LRIG1: variants seen among roughly 807,000 people sequenced by gnomAD.
LRIG1 encodes leucine rich repeats and immunoglobulin like domains 1.
LRIG1 carries 48 observed loss-of-function variants against 99.2 expected under a neutral mutation model. The observed-to-expected ratio is 0.48, with a 90% CI of 0.38 to 0.62. LRIG1 has a LOEUF of 0.62. Among genes scored for constraint, LRIG1 ranks in the 20% least tolerant of loss-of-function variants. The pLI is 0.00. For missense variants in LRIG1, 1,646 were observed against 1,434.4 expected, an observed-to-expected ratio of 1.15 and a Z score of -2.38; for synonymous variants, 772 against 596.1, an observed-to-expected ratio of 1.29 and a Z score of -4.30.
chr3:66,388,822 G>C (rs1701502067), intron 12 of LRIG1, among the ~76,000 whole-genome samples: 1 of 152,136 alleles, frequency 6.6e-6, no homozygotes. Context: ...CACAGAGCAA[G>C]TTGACTGTTA....
intron 1 of LRIG1, among the ~76,000 whole-genome samples, chr3:66,494,744 G>A (rs1001486366): frequency 5.3e-5 from 8 of 152,154 alleles, no homozygotes; most frequent in Admixed American, 1.3e-4. Context: ...ACAAAAAAGA[G>A]ACACAAATTG....
chr3:66,467,602 G>T (rs909319585), intron 1 of LRIG1, among the ~76,000 whole-genome samples: 1 of 151,964 alleles, frequency 6.6e-6, no homozygotes, highest in African/African-American at 2.4e-5. Context: ...ACCTCGTGAT[G>T]TGCCCGCCTC....
In LRIG1 at chr3:66,398,160, C is replaced by T. The variant is rs929533273; in HGVS notation, c.1256G>A (p.Arg419Lys). Residue 419 changes from arginine to lysine, a missense_variant, in exon 11 of 19, where the codon AGA becomes AAA. Coordinates refer to ENST00000273261, the MANE Select transcript of LRIG1 (RefSeq NM_015541.3). ...CACAAAGGCATCAAACTGGACAGATCTGATCGCATTCCCTCCAAGGTTCCT... is the reference window on the plus strand; with the variant it reads ...CACAAAGGCATCAAACTGGACAGATTTGATCGCATTCCCTCCAAGGTTCCT... ...EHLNLGGNAI[R>K]SVQFDAFVKM... The T allele has an allele frequency of 6.2e-7, 1 of 1,614,100 alleles. No homozygotes were observed.
intron 1 of LRIG1, among the ~76,000 whole-genome samples, chr3:66,481,781 T>G (rs762943571): frequency 4.2e-4 from 64 of 152,186 alleles, no homozygotes; most frequent in Non-Finnish European, 8.4e-4. Context: ...ATCACAATTA[T>G]CTATGAGAAT....
At chr3:66,496,291 C>T (rs1701226441) in intron 1 of LRIG1, among the ~76,000 whole-genome samples, 1 of 152,198 alleles carries the variant, frequency 6.6e-6, no homozygotes, top group Non-Finnish European at 1.5e-5. Flanking sequence ...AGTTAATTTA[C>T]ATGGGGCGCT....
chr3:66,414,392 G>T (rs984981422), intron 5 of LRIG1, among the ~76,000 whole-genome samples: 20 of 149,712 alleles, frequency 1.3e-4, no homozygotes, highest in African/African-American at 4.4e-4. Context: ...CGAGACTGTC[G>T]CAAAAAAAAA....
chr3:66,423,745 T>G (rs1215460999), intron 3 of LRIG1, among the ~76,000 whole-genome samples: 1 of 152,146 alleles, frequency 6.6e-6, no homozygotes, highest in Non-Finnish European at 1.5e-5. Flanking sequence ...ATGCCTTGAG[T>G]GTCTTCCTGC....
At chr3:66,390,360 G>T (rs563054398) in intron 12 of LRIG1, among the ~76,000 whole-genome samples, 1 of 152,078 alleles carries the variant, frequency 6.6e-6, no homozygotes, top group East Asian at 1.9e-4. Flanking sequence ...TGAAATTAAG[G>T]ATTTCATTTA....
chr3:66,411,415 A>G (rs928801461), intron 6 of LRIG1, among the ~76,000 whole-genome samples: 3 of 152,200 alleles, frequency 2.0e-5, no homozygotes, highest in African/African-American at 4.8e-5. Context: ...TGCTAACTCC[A>G]TTTTCCTCTG....
At chr3:66,385,917 A>G in intron 13 of LRIG1, 64 bp downstream of exon 13, 3 of 1,435,094 alleles carry the variant, frequency 2.1e-6, no homozygotes, top group Non-Finnish European at 2.9e-6. Flanking sequence ...TGGAAAGCTG[A>G]AAGGGCAATC....
At chr3:66,394,300 C>G in intron 11 of LRIG1, 97 bp from the exon 12 acceptor site, 1 of 1,050,746 alleles carries the variant, frequency 9.5e-7, no homozygotes, top group South Asian at 1.7e-5. Context: ...ATCAGCTTCT[C>G]AAGTGAACAT....
At chr3:66,423,614 C>T (rs1190219563) in intron 3 of LRIG1, among the ~76,000 whole-genome samples, 1 of 152,200 alleles carries the variant, frequency 6.6e-6, no homozygotes, top group African/African-American at 2.4e-5. Context: ...GTTCACAGCA[C>T]TCCTCTGTCT....
At chr3:66,405,021 C>T (rs1400424361) in intron 9 of LRIG1, among the ~76,000 whole-genome samples, 177 bp downstream of exon 9, 1 of 152,198 alleles carries the variant, frequency 6.6e-6, no homozygotes, top group East Asian at 1.9e-4. Context: ...TGGGGTGTCC[C>T]CCACCCTCTT....
intron 10 of LRIG1, 35 bp from the exon 11 acceptor site, chr3:66,398,218 C>T (rs775280492): frequency 6.4e-7 from 1 of 1,556,106 alleles, no homozygotes; most frequent in Non-Finnish European, 8.9e-7. Flanking sequence ...TGCAAAGAAA[C>T]CCTAGGTACA....
At chr3:66,396,114 G>T (rs929942047) in intron 11 of LRIG1, among the ~76,000 whole-genome samples, 3 of 152,252 alleles carry the variant, frequency 2.0e-5, no homozygotes, top group African/African-American at 7.2e-5. Flanking sequence ...CGCCTTTGAG[G>T]ATTTCCTACT....
intron 1 of LRIG1, among the ~76,000 whole-genome samples, chr3:66,489,590 T>C (rs939162138): frequency 2.0e-5 from 3 of 150,088 alleles, no homozygotes; most frequent in African/African-American, 5.1e-5. Context: ...TGTTTAAGTA[T>C]CCTAGATACA....
chr3:66,412,188 G>T (rs1702488811), intron 6 of LRIG1, among the ~76,000 whole-genome samples: 1 of 152,212 alleles, frequency 6.6e-6, no homozygotes, highest in African/African-American at 2.4e-5. Context: ...TCTGCACCCA[G>T]TGTCTTGATT....
rs561284763 is a variant in LRIG1 at position 66,429,993 on chromosome 3, G to A, written c.366-12727C>T. Reference sequence around the variant, plus strand: ...AGAATATAAACCGCACACCGGCTAGGAATTTTTAGTCTATCGTATTGACTG... The same window carrying A: ...AGAATATAAACCGCACACCGGCTAGAAATTTTTAGTCTATCGTATTGACTG... On this transcript the variant is annotated intron_variant, in intron 3 of 18. Transcript: ENST00000273261. 2.0e-5 allele frequency among the ~76,000 whole-genome samples: 3 copies of A among 152,318 alleles called. No individual in the cohort carries two copies. In the South Asian group the frequency reaches 6.2e-4, roughly 32 times the overall value.
At chr3:66,463,141 TA>T (rs1559811798) in intron 1 of LRIG1, among the ~76,000 whole-genome samples, 1 of 152,160 alleles carries the variant, frequency 6.6e-6, no homozygotes, top group Non-Finnish European at 1.5e-5. Context: ...TGCGCGGCCC[TA>T]AATGTCAATC....
Sources: gnomAD v4.1 joint callset for allele counts (sites outside exome capture counted in the v4.1 genomes callset) on GRCh38, gnomAD v4.1.1 for gene constraint, MANE v1.5 for transcripts, NCBI Gene and HGNC (gene_info 2026-07-23, HGNC 2026-07-21) for gene names.